The following EDIL3 variants were observed in gnomAD, a reference collection of about 807,000 sequenced individuals.
EDIL3 encodes EGF-like repeat and discoidin I-like domain-containing protein 3.
EDIL3 carries 37 observed loss-of-function variants against 67.4 expected under a neutral mutation model. The observed-to-expected ratio is 0.55, with a 90% CI of 0.42 to 0.72. EDIL3 has a LOEUF of 0.72. EDIL3 is among the 30% of genes least tolerant of loss of function. The probability of loss-of-function intolerance (pLI) is 0.00; values close to 1 mark genes in which losing one functional copy is unlikely to be tolerated. For synonymous variants in EDIL3, 195 were observed against 196.3 expected (o/e 0.99, Z 0.05); for missense variants, 527 against 586.3 (o/e 0.90, Z 1.04).
chr5:83,980,144 T>C (rs1744944287), intron 9 of EDIL3, among the ~76,000 whole-genome samples: 1 of 152,126 alleles, frequency 6.6e-6, no homozygotes, highest in Admixed American at 6.6e-5. Flanking sequence ...TTCAATTACT[T>C]ACAAACATTT....
At chr5:84,195,238 T>C (rs2112372128) in intron 3 of EDIL3, among the ~76,000 whole-genome samples, 1 of 152,038 alleles carries the variant, frequency 6.6e-6, no homozygotes, top group East Asian at 1.9e-4. Flanking sequence ...AGAGAAATAA[T>C]ATGCAGTAGA....
chr5:84,363,225 G>A (rs977825892), intron 1 of EDIL3, among the ~76,000 whole-genome samples: 1 of 152,050 alleles, frequency 6.6e-6, no homozygotes, highest in African/African-American at 2.4e-5. Flanking sequence ...AATTCAGGCT[G>A]AGGCAGGTCG....
intron 6 of EDIL3, among the ~76,000 whole-genome samples, chr5:84,096,560 G>T (rs1328062293): frequency 6.6e-6 from 1 of 152,172 alleles, no homozygotes; most frequent in African/African-American, 2.4e-5. Flanking sequence ...CTGTATCTAG[G>T]AAGTAACTAA....
chr5:84,126,036 A>C (rs1210930233), intron 5 of EDIL3, among the ~76,000 whole-genome samples: 2 of 151,976 alleles, frequency 1.3e-5, no homozygotes, highest in Non-Finnish European at 2.9e-5. Context: ...ATCTCTCTAC[A>C]GGTTACAAAG....
At chr5:83,952,508 C>T (rs1257090113) in intron 10 of EDIL3, among the ~76,000 whole-genome samples, 2 of 151,808 alleles carry the variant, frequency 1.3e-5, no homozygotes, top group African/African-American at 4.8e-5. Flanking sequence ...GGGAAACCAT[C>T]TGCTTTTCAA....
chr5:84,219,284 A>C (rs1744292850), intron 3 of EDIL3, among the ~76,000 whole-genome samples: 1 of 152,246 alleles, frequency 6.6e-6, no homozygotes, highest in Non-Finnish European at 1.5e-5. Flanking sequence ...AATACATGGA[A>C]CTTAAACAAA....
At chr5:84,278,349 A>AT (rs893396342) in intron 1 of EDIL3, among the ~76,000 whole-genome samples, 20 of 151,798 alleles carry the variant, frequency 1.3e-4, no homozygotes, top group South Asian at 2.1e-4. Context: ...CATAGAGAGA[A>AT]TTTTTTTTTG....
intron 3 of EDIL3, among the ~76,000 whole-genome samples, chr5:84,219,241 G>A (rs541230737): frequency 2.6e-5 from 4 of 152,132 alleles, no homozygotes; most frequent in Non-Finnish European, 5.9e-5. Flanking sequence ...GACCATACAA[G>A]TCAATAATGA....
intron 1 of EDIL3, among the ~76,000 whole-genome samples, chr5:84,337,579 A>C (rs1388196040): frequency 6.6e-6 from 1 of 152,188 alleles, no homozygotes; most frequent in Non-Finnish European, 1.5e-5. Flanking sequence ...ATGGCTCTAG[A>C]GCACATATAC....
In EDIL3 at chr5:83,976,070, A is replaced by G. The variant is rs116004252; in HGVS notation, c.1138-12710T>C. ...AATCACTATAGGCCCAACACAAATGACTCCTGAAAGTCTTCCTAAGACACT... is the reference window on the plus strand; with the variant it reads ...AATCACTATAGGCCCAACACAAATGGCTCCTGAAAGTCTTCCTAAGACACT... On this transcript the variant is annotated intron_variant, in intron 9 of 10. Coordinates refer to ENST00000296591, the MANE Select transcript of EDIL3 (RefSeq NM_005711.5). 5.7e-3 allele frequency among the ~76,000 whole-genome samples: 862 copies of G among 151,910 alleles called. 11 individuals are homozygous for G. The highest frequency in any genetic ancestry group is 0.019 in the African/African-American group (791 of 41,512).
chr5:84,219,126 C>T (rs997434803), intron 3 of EDIL3, among the ~76,000 whole-genome samples: 1 of 152,140 alleles, frequency 6.6e-6, no homozygotes, highest in African/African-American at 2.4e-5. Context: ...CTTGTGTCAC[C>T]CCCTCCCCCA....
At chr5:83,993,197 G>C (rs530967953) in intron 9 of EDIL3, among the ~76,000 whole-genome samples, 2 of 152,252 alleles carry the variant, frequency 1.3e-5, no homozygotes, top group East Asian at 3.9e-4. Flanking sequence ...TATTGAGACA[G>C]GGTCTTGCTC....
At chr5:84,013,153 C>T (rs1179163799) in intron 9 of EDIL3, among the ~76,000 whole-genome samples, 1 of 151,780 alleles carries the variant, frequency 6.6e-6, no homozygotes, top group East Asian at 1.9e-4. Flanking sequence ...TAAAAGAATG[C>T]ATCTCCCATT....
chr5:84,165,631 T>C (rs1748691635), intron 4 of EDIL3, among the ~76,000 whole-genome samples: 1 of 152,110 alleles, frequency 6.6e-6, no homozygotes, highest in African/African-American at 2.4e-5. Context: ...AACAGTGTGC[T>C]CACTGTAAAC....
chr5:84,382,336 A>AAG (rs1748094840), intron 1 of EDIL3, among the ~76,000 whole-genome samples: 1 of 152,270 alleles, frequency 6.6e-6, no homozygotes, highest in Admixed American at 6.5e-5. Context: ...GGGTATCTTC[A>AAG]GGAGACAGAG....
chr5:84,014,658 A>T (rs1215545830), intron 9 of EDIL3, among the ~76,000 whole-genome samples: 1 of 152,212 alleles, frequency 6.6e-6, no homozygotes, highest in Non-Finnish European at 1.5e-5. Flanking sequence ...AAACAAACAA[A>T]CAAACAAACA....
intron 5 of EDIL3, among the ~76,000 whole-genome samples, chr5:84,112,989 C>A (rs1442111941): frequency 2.6e-5 from 4 of 152,100 alleles, no homozygotes. Flanking sequence ...TAGAGGCCTT[C>A]TTTAGAAATT....
intron 1 of EDIL3, among the ~76,000 whole-genome samples, chr5:84,330,471 G>T (rs1746846035): frequency 6.6e-6 from 1 of 152,040 alleles, no homozygotes; most frequent in African/African-American, 2.4e-5. Flanking sequence ...TTCCCAGCAG[G>T]AATAACTGAA....
chr5:84,206,148 T>C (rs1156576200), intron 3 of EDIL3, among the ~76,000 whole-genome samples: 3 of 151,920 alleles, frequency 2.0e-5, no homozygotes, highest in Non-Finnish European at 4.4e-5. Flanking sequence ...ACATCTTTAT[T>C]TCTGCCTTCA....
Sources: allele counts gnomAD v4.1 joint callset (sites outside exome capture counted in the v4.1 genomes callset), GRCh38; gene constraint gnomAD v4.1.1; transcripts MANE v1.5; gene names NCBI Gene and HGNC (gene_info 2026-07-23, HGNC 2026-07-21).